Variants in OAS1 observed in about 807,000 individuals in gnomAD.
The protein encoded by OAS1 is 2'-5'-oligoadenylate synthetase 1, also known as 2'-5'-oligoadenylate synthase 1.
In OAS1, 24 loss-of-function variants were observed where a neutral mutation model predicts 38.5. That is an observed-to-expected ratio of 0.62 (90% CI 0.45 to 0.88). The LOEUF (loss-of-function observed/expected upper bound fraction) is 0.88. OAS1 is among the 40% of genes least tolerant of loss of function. OAS1 has a pLI of 0.00. For missense variants in OAS1, 482 were observed against 493.9 expected (o/e 0.98, Z 0.23); for synonymous variants, 169 against 193.9 (o/e 0.87, Z 1.07).
chr12:112,916,427 G>T (rs1325159521), intron 3 of OAS1, 82 bp from the exon 4 acceptor site: 12 of 986,436 alleles, frequency 1.2e-5, no homozygotes, highest in Non-Finnish European at 1.7e-5. Context: ...CAGGTGGCAG[G>T]CTGGATTTGG....
chr12:112,932,133 T>C, exon 7 of OAS1: 1 of 497,918 alleles, frequency 2.0e-6, no homozygotes, highest in Non-Finnish European at 3.5e-6. Context: ...ACATGTGAAC[T>C]CCCTCCCTCT....
rs569046433 is a variant in OAS1, at chr12:112,908,500, C to T, written c.181-36C>T. On this transcript the variant is annotated intron_variant, in intron 1 of 5. Transcript: ENST00000202917. ...ATTTTATTTAGGGAGGTTTGCCTCA[C>T]TAAGCATCAATTATTATTTTTGTCG... 2.1e-5 allele frequency: 33 copies of T among 1,584,022 alleles called. 1 individual carries two copies. In the South Asian group the frequency reaches 2.6e-4, roughly 12 times the overall value.
intron 6 of OAS1, among the ~76,000 whole-genome samples, chr12:112,925,712 C>T (rs916223593): frequency 2.0e-5 from 3 of 152,096 alleles, no homozygotes; most frequent in Admixed American, 6.5e-5. Context: ...CTTGAGCCCA[C>T]GAAGTCAAGG....
At position 112,908,525 on chromosome 12, in the gene OAS1, G is replaced by A. The variant is rs373937699; in HGVS notation, c.181-11G>A. Reference sequence around the variant, plus strand: ...CTAAGCATCAATTATTATTTTTGTCGTCTTTTTCAGGGTGGCTCCTCAGGC... The same window carrying A: ...CTAAGCATCAATTATTATTTTTGTCATCTTTTTCAGGGTGGCTCCTCAGGC... On this transcript the variant is annotated splice_polypyrimidine_tract_variant and intron_variant, in intron 1 of 5. Transcript: ENST00000202917. The A allele has an allele frequency of 1.9e-5, 30 of 1,596,222 alleles. No individual in the cohort carries two copies. The highest frequency in any genetic ancestry group is 1.8e-4 in the African/African-American group (13 of 73,780).
Position 112,926,665 on chromosome 12 carries a change from C to T in OAS1, c.1168-5213C>T, listed in dbSNP as rs148359792. On this transcript the variant is annotated intron_variant, in intron 6 of 6. Coordinates refer to the OAS1 transcript ENST00000540589. ...TCAGGGTGAGATCACAAGGTCAGGG[C>T]AAAACTAGAATTACTAAGGAAGTTT... Among the ~76,000 whole-genome samples, 720 of 152,200 alleles carry T rather than the reference C, an allele frequency of 4.7e-3. 6 individuals are homozygous for T. Among genetic ancestry groups the T allele is most frequent in the African/African-American group, 0.014 (599 of 41,526 alleles).
downstream of OAS1, among the ~76,000 whole-genome samples, chr12:112,922,240 T>A (rs1260853535): frequency 6.6e-6 from 1 of 152,204 alleles, no homozygotes; most frequent in African/African-American, 2.4e-5. Context: ...AAGGGGACTC[T>A]GCCTCCTCTT....
intron 1 of OAS1, 83 bp from the exon 2 acceptor site, chr12:112,908,453 A>G (rs2043326420): frequency 1.5e-5 from 20 of 1,341,288 alleles, no homozygotes; most frequent in East Asian, 7.1e-5. Flanking sequence ...AGTGCTCCAT[A>G]ATGTTAGTGA....
At chr12:112,931,980 G>C (rs1277511358) in exon 7 of OAS1, 1 of 695,598 alleles carries the variant, frequency 1.4e-6, no homozygotes, top group Non-Finnish European at 2.6e-6. Context: ...ATAGTTTCCA[G>C]GTTGCTTAGG....
chr12:112,916,279 G>T (rs751762764), intron 3 of OAS1, among the ~76,000 whole-genome samples: 1 of 152,176 alleles, frequency 6.6e-6, no homozygotes, highest in Non-Finnish European at 1.5e-5. Flanking sequence ...TAAAAGGCTA[G>T]ATAGTAAATA....
chr12:112,925,169 A>G (rs4766663), intron 6 of OAS1, among the ~76,000 whole-genome samples: 113,116 of 152,096 alleles, frequency 0.74, 43,364 homozygotes, highest in African/African-American at 0.94. Flanking sequence ...CAAGTTTGAG[A>G]TCCAGGGTTG....
chr12:112,927,215 T>G (rs530413683), intron 6 of OAS1, among the ~76,000 whole-genome samples: 2 of 152,330 alleles, frequency 1.3e-5, no homozygotes, highest in Admixed American at 1.3e-4. Flanking sequence ...ATTAAGAGAT[T>G]AAAGACAGAC....
At chr12:112,909,756 C>A (rs904656611) in intron 2 of OAS1, among the ~76,000 whole-genome samples, 2 of 152,172 alleles carry the variant, frequency 1.3e-5, no homozygotes, top group African/African-American at 4.8e-5. Context: ...CACAGAGGGA[C>A]ACGGAATAGT....
At chr12:112,922,050 A>G (rs1047544685), downstream of OAS1, among the ~76,000 whole-genome samples, 2 of 152,072 alleles carry the variant, frequency 1.3e-5, no homozygotes, top group Admixed American at 6.5e-5. Flanking sequence ...ATATGCCCCT[A>G]CTCTGATGGG....
chr12:112,931,558 T>C (rs116088193), intron 6 of OAS1, among the ~76,000 whole-genome samples: 5,904 of 152,322 alleles, frequency 0.039, 388 homozygotes, highest in African/African-American at 0.14. Flanking sequence ...TCCATTTTAA[T>C]GATGAGGAAA....
intron 1 of OAS1, 100 bp from the exon 2 acceptor site, chr12:112,908,436 A>C: frequency 8.9e-7 from 1 of 1,124,752 alleles, no homozygotes; most frequent in Admixed American, 2.5e-5. Flanking sequence ...CCTTCAGAAC[A>C]GTGGCTAGTG....
At chr12:112,931,021 T>G (rs147742606) in intron 6 of OAS1, among the ~76,000 whole-genome samples, 2 of 152,350 alleles carry the variant, frequency 1.3e-5, no homozygotes, top group African/African-American at 4.8e-5. Flanking sequence ...GTTCCATATT[T>G]ACACCATCTT....
In OAS1 at chr12:112,907,001, G is replaced by A; in HGVS notation, c.-39G>A. ...CAGCAGAAGAGATAAAAGCAAACAG[G>A]TCTGGGAGGCAGTTCTGTTGCCACT... is the stretch of plus-strand genomic sequence containing the variant. On this transcript the variant is annotated 5_prime_UTR_variant, in exon 1 of 6. Coordinates refer to ENST00000202917, the MANE Select transcript of OAS1 (RefSeq NM_016816.4). The A allele has an allele frequency of 1.9e-6, 3 of 1,608,550 alleles. No individual in the cohort carries two copies. In the South Asian group the frequency reaches 3.3e-5, roughly 18 times the overall value.
chr12:112,931,955 G>C (rs956523325), exon 7 of OAS1: 2 of 701,730 alleles, frequency 2.9e-6, no homozygotes, highest in Non-Finnish European at 5.2e-6. Flanking sequence ...CAGACAAGAG[G>C]AGCCTCATTA....
intron 1 of OAS1, among the ~76,000 whole-genome samples, chr12:112,908,124 T>C (rs1311613732): frequency 1.3e-5 from 2 of 152,206 alleles, no homozygotes; most frequent in Admixed American, 1.3e-4. Flanking sequence ...TTTACCTAAC[T>C]GATTTTTCCT....
Sources: gnomAD v4.1 joint callset for allele counts (sites outside exome capture counted in the v4.1 genomes callset) on GRCh38, gnomAD v4.1.1 for gene constraint, MANE v1.5 for transcripts, NCBI Gene and HGNC (gene_info 2026-07-23, HGNC 2026-07-21) for gene names.